Variants in LRMDA observed in about 807,000 individuals in gnomAD.
The protein encoded by LRMDA is leucine-rich melanocyte differentiation-associated protein.
Under a neutral mutation model 29.8 loss-of-function variants are expected in LRMDA, and 18 were observed. That is an observed-to-expected ratio of 0.60 (90% confidence interval 0.42 to 0.90). The LOEUF (loss-of-function observed/expected upper bound fraction) is 0.90, where lower values mean the gene tolerates loss of function less well. Ranked by LOEUF, LRMDA falls within the 40% of genes least tolerant of loss-of-function variation. The pLI is 0.00. For synonymous variants in LRMDA, 125 were observed against 109.4 expected, an observed-to-expected ratio of 1.14 and a Z score of -0.89; for missense variants, 273 against 273.9, an observed-to-expected ratio of 1.00 and a Z score of 0.02.
chr10:75,523,057 C>T (rs908458118), intron 2 of LRMDA, among the ~76,000 whole-genome samples: 1 of 152,226 alleles, frequency 6.6e-6, no homozygotes, highest in African/African-American at 2.4e-5. Context: ...CATTTCCCCT[C>T]TTTGAACTTC....
At chr10:75,626,241 G>A (rs1841248620) in intron 2 of LRMDA, among the ~76,000 whole-genome samples, 1 of 152,112 alleles carries the variant, frequency 6.6e-6, no homozygotes, top group African/African-American at 2.4e-5. Flanking sequence ...CAGCATGCGT[G>A]GTAAGATAAC....
chr10:75,460,858 T>C (rs1342430633), intron 2 of LRMDA, among the ~76,000 whole-genome samples: 1 of 152,246 alleles, frequency 6.6e-6, no homozygotes, highest in African/African-American at 2.4e-5. Flanking sequence ...TTTCCACTTT[T>C]TGGTGTTATT....
At chr10:76,131,523 A>G (rs760099743) in intron 5 of LRMDA, among the ~76,000 whole-genome samples, 9 of 152,180 alleles carry the variant, frequency 5.9e-5, no homozygotes, top group Non-Finnish European at 1.2e-4. Context: ...AATATTTAAG[A>G]TCTTTGATGC....
intron 2 of LRMDA, among the ~76,000 whole-genome samples, chr10:75,484,869 A>T (rs1361045084): frequency 6.6e-6 from 1 of 152,198 alleles, no homozygotes; most frequent in African/African-American, 2.4e-5. Context: ...ATTGTGAGAA[A>T]ATAAGTTTCT....
chr10:76,363,242 A>G (rs1377999536), intron 6 of LRMDA, among the ~76,000 whole-genome samples: 2 of 56,854 alleles, frequency 3.5e-5, no homozygotes, highest in East Asian at 2.5e-4. Flanking sequence ...AAAGAAAGAA[A>G]GAAAGAAAGA....
intron 2 of LRMDA, among the ~76,000 whole-genome samples, chr10:75,542,087 T>C (rs1174822986): frequency 6.6e-6 from 1 of 152,106 alleles, no homozygotes; most frequent in Non-Finnish European, 1.5e-5. Flanking sequence ...AACTAGTGAA[T>C]GAGGGTGGAG....
chr10:76,252,289 T>C (rs1852500170), intron 5 of LRMDA, among the ~76,000 whole-genome samples: 1 of 152,050 alleles, frequency 6.6e-6, no homozygotes, highest in Admixed American at 6.5e-5. Context: ...TGTGTCACCA[T>C]TAAAAGAGGA....
At chr10:75,841,755 T>A (rs919385067) in intron 2 of LRMDA, among the ~76,000 whole-genome samples, 2 of 152,202 alleles carry the variant, frequency 1.3e-5, no homozygotes, top group Non-Finnish European at 2.9e-5. Context: ...AAAATTTCTT[T>A]ATTGGAATGC....
At chr10:76,007,031 T>TGTGTGCGCGC (rs1230411095) in intron 2 of LRMDA, among the ~76,000 whole-genome samples, 3 of 26,906 alleles carry the variant, frequency 1.1e-4, no homozygotes, top group African/African-American at 3.1e-4. Flanking sequence ...TGTGTGTGTG[T>TGTGTGCGCGC]GCGCGTGTGT....
intron 2 of LRMDA, among the ~76,000 whole-genome samples, chr10:75,476,692 A>T (rs908263966): frequency 1.3e-5 from 2 of 151,980 alleles, no homozygotes; most frequent in African/African-American, 4.8e-5. Flanking sequence ...ACATGAACTG[A>T]CTCAGTGTGT....
chr10:75,601,059 T>C (rs934674561), intron 2 of LRMDA, among the ~76,000 whole-genome samples: 1 of 152,248 alleles, frequency 6.6e-6, no homozygotes, highest in Non-Finnish European at 1.5e-5. Flanking sequence ...CCCTTGCGAT[T>C]TCATTCATGT....
At chr10:76,276,723 A>G (rs1379623624) in intron 5 of LRMDA, among the ~76,000 whole-genome samples, 1 of 152,204 alleles carries the variant, frequency 6.6e-6, no homozygotes, top group African/African-American at 2.4e-5. Context: ...GGCATTTTGA[A>G]CATTATGTTG....
chr10:76,167,004 T>A (rs939785832), intron 5 of LRMDA, among the ~76,000 whole-genome samples: 1 of 152,250 alleles, frequency 6.6e-6, no homozygotes, highest in Non-Finnish European at 1.5e-5. Context: ...ATAGCCATTC[T>A]GACTGGTGTG....
chr10:76,369,593 C>G (rs907791944), intron 6 of LRMDA, among the ~76,000 whole-genome samples: 1 of 152,110 alleles, frequency 6.6e-6, no homozygotes, highest in Non-Finnish European at 1.5e-5. Context: ...TGTTCTTAGG[C>G]AGAGATCTTT....
intron 5 of LRMDA, among the ~76,000 whole-genome samples, chr10:76,297,555 C>A (rs1385336687): frequency 6.6e-6 from 1 of 152,156 alleles, no homozygotes; most frequent in Non-Finnish European, 1.5e-5. Flanking sequence ...TTCCAGCTTC[C>A]TTGTGTCAGA....
Position 76,265,533 on chromosome 10 carries a change from TC to T in LRMDA, c.517-58866del. On this transcript the variant is annotated intron_variant, in intron 5 of 6. Transcript: ENST00000611255. ...CAGTGGGATCATTCTCGGGAAGTGC[TC>T]CTCACTTTCCACATGGTCAGGAAGT... Among the ~76,000 whole-genome samples, 3 of 152,246 alleles carry T rather than the reference TC, an allele frequency of 2.0e-5. 1 individual carries two copies. The highest frequency in any genetic ancestry group is 6.8e-3 in the Middle Eastern group (2 of 294).
chr10:76,544,225 G>T (rs183495861), intron 6 of LRMDA, among the ~76,000 whole-genome samples: 1 of 152,184 alleles, frequency 6.6e-6, no homozygotes, highest in Non-Finnish European at 1.5e-5. Context: ...GCATCAAACT[G>T]TCGGAGCCAG....
At chr10:75,900,316 G>A (rs1845649365) in intron 2 of LRMDA, among the ~76,000 whole-genome samples, 1 of 152,186 alleles carries the variant, frequency 6.6e-6, no homozygotes, top group Non-Finnish European at 1.5e-5. Context: ...CTCCAAGTTG[G>A]AGCTGACTTG....
At chr10:75,694,791 C>CT (rs1257290341) in intron 2 of LRMDA, among the ~76,000 whole-genome samples, 5 of 152,172 alleles carry the variant, frequency 3.3e-5, no homozygotes, top group Non-Finnish European at 7.3e-5. Flanking sequence ...TATTGCAACC[C>CT]TGTCTATAGC....
Sources: allele counts gnomAD v4.1 joint callset (sites outside exome capture counted in the v4.1 genomes callset), GRCh38; gene constraint gnomAD v4.1.1; transcripts MANE v1.5; gene names NCBI Gene and HGNC (gene_info 2026-07-23, HGNC 2026-07-21).